DCC: variants seen among roughly 807,000 people sequenced by gnomAD.
The protein encoded by DCC is netrin receptor DCC.
In DCC, 58 loss-of-function variants were observed where a neutral mutation model predicts 172.5. That is an observed-to-expected ratio of 0.34 (90% CI 0.27 to 0.42). The LOEUF is 0.42. Ranked by LOEUF, DCC falls within the 10% of genes least tolerant of loss-of-function variation. The probability of loss-of-function intolerance (pLI) is 1.00; values close to 1 mark genes in which losing one functional copy is unlikely to be tolerated. For missense variants in DCC, 1,740 were observed against 1,791.0 expected, an observed-to-expected ratio of 0.97 and a Z score of 0.51; for synonymous variants, 709 against 644.5, an observed-to-expected ratio of 1.10 and a Z score of -1.52.
chr18:53,098,637 A>G (rs1177646882), intron 7 of DCC, among the ~76,000 whole-genome samples: 2 of 152,170 alleles, frequency 1.3e-5, no homozygotes, highest in East Asian at 3.9e-4. Flanking sequence ...CCCATGATTG[A>G]TGGTGATAAC....
At chr18:52,808,724 G>A (rs1283501185) in intron 2 of DCC, among the ~76,000 whole-genome samples, 1 of 152,112 alleles carries the variant, frequency 6.6e-6, no homozygotes, top group African/African-American at 2.4e-5. Context: ...TCATATTATG[G>A]AAATTCTTAT....
At chr18:52,475,268 A>C (rs921256676) in intron 1 of DCC, among the ~76,000 whole-genome samples, 2 of 152,210 alleles carry the variant, frequency 1.3e-5, no homozygotes, top group African/African-American at 4.8e-5. Flanking sequence ...AAAACACTCA[A>C]ATTCAGTAGG....
At chr18:53,360,488 T>A (rs1011789437) in intron 15 of DCC, among the ~76,000 whole-genome samples, 2 of 152,154 alleles carry the variant, frequency 1.3e-5, no homozygotes, top group African/African-American at 4.8e-5. Context: ...TTTTGTTCAT[T>A]CAATAGGAAT....
chr18:52,671,256 A>G (rs1175588282), intron 1 of DCC, among the ~76,000 whole-genome samples: 1 of 152,174 alleles, frequency 6.6e-6, no homozygotes, highest in Non-Finnish European at 1.5e-5. Flanking sequence ...CAAGGAACTC[A>G]CGGTCACCAA....
chr18:52,590,563 T>C (rs2033777127), intron 1 of DCC, among the ~76,000 whole-genome samples: 2 of 152,224 alleles, frequency 1.3e-5, no homozygotes, highest in Non-Finnish European at 2.9e-5. Flanking sequence ...CTGGTTTGTC[T>C]CTGTACACAG....
At chr18:53,158,013 G>A (rs953758245) in intron 8 of DCC, among the ~76,000 whole-genome samples, 2 of 152,154 alleles carry the variant, frequency 1.3e-5, no homozygotes, top group Non-Finnish European at 2.9e-5. Context: ...AATGCTTGAG[G>A]TGATGGATGC....
At chr18:53,467,116 A>G (rs771777168) in intron 24 of DCC, among the ~76,000 whole-genome samples, 67 of 152,148 alleles carry the variant, frequency 4.4e-4, no homozygotes, top group Non-Finnish European at 1.8e-4. Flanking sequence ...AAAGGAAAAC[A>G]ATGTTAAAAA....
chr18:53,315,780 G>C (rs2057336590), intron 13 of DCC, among the ~76,000 whole-genome samples: 1 of 151,668 alleles, frequency 6.6e-6, no homozygotes, highest in Non-Finnish European at 1.5e-5. Context: ...AGTATTGTCT[G>C]TTCATATCCA....
At chr18:53,222,401 T>G (rs1402819009) in intron 12 of DCC, among the ~76,000 whole-genome samples, 1 of 121,788 alleles carries the variant, frequency 8.2e-6, no homozygotes, top group African/African-American at 2.8e-5. Flanking sequence ...TTTTTTTTTT[T>G]TGAAATGGAG....
At position 52,923,775 on chromosome 18, in the gene DCC, G is replaced by T. The variant is rs759718173; in HGVS notation, c.766G>T (p.Asp256Tyr). ...PSNVVAIEGK[D>Y]AVLECCVSGY... ...CAATGTAGTAGCCATTGAAGGAAAA[G>T]ATGCTGTCCTGGAATGTTGTGTTTC... Residue 256 changes from aspartate (D) to tyrosine (Y), a missense_variant, in exon 4 of 29, where the codon GAT becomes TAT. By Grantham distance (160) the Asp-to-Tyr change is radical. Coordinates refer to ENST00000442544, the MANE Select transcript of DCC (RefSeq NM_005215.4). 1 of 1,612,752 alleles carries T rather than the reference G, an allele frequency of 6.2e-7. No individual in the cohort carries two copies. Among genetic ancestry groups the T allele is most frequent in the East Asian group, 2.2e-5 (1 of 44,842 alleles).
At chr18:52,793,140 T>C (rs149494298) in intron 2 of DCC, among the ~76,000 whole-genome samples, 1 of 152,296 alleles carries the variant, frequency 6.6e-6, no homozygotes, top group East Asian at 1.9e-4. Flanking sequence ...ATTGGTTTGA[T>C]CACATATGAT....
At chr18:52,823,498 G>A (rs76452246) in intron 2 of DCC, among the ~76,000 whole-genome samples, 7,279 of 152,064 alleles carry the variant, frequency 0.048, 274 homozygotes, top group South Asian at 0.17. Flanking sequence ...GTCTTGGCAC[G>A]GTGAAGATTT....
At chr18:53,525,129 C>A (rs996845540) in intron 27 of DCC, among the ~76,000 whole-genome samples, 3 of 152,048 alleles carry the variant, frequency 2.0e-5, no homozygotes, top group African/African-American at 7.2e-5. Flanking sequence ...TAACAAATTA[C>A]TAGTATCATT....
chr18:53,463,756 G>C (rs1289238598), intron 24 of DCC, among the ~76,000 whole-genome samples: 1 of 152,108 alleles, frequency 6.6e-6, no homozygotes, highest in Non-Finnish European at 1.5e-5. Flanking sequence ...ATGTTTTGTT[G>C]ATCCAGTTTC....
At chr18:53,039,486 T>C (rs541359642) in intron 5 of DCC, among the ~76,000 whole-genome samples, 38 of 152,166 alleles carry the variant, frequency 2.5e-4, no homozygotes, top group African/African-American at 3.6e-4. Flanking sequence ...ACTAGAATGT[T>C]AAAAGGATTG....
intron 5 of DCC, among the ~76,000 whole-genome samples, chr18:53,005,443 G>A (rs1186865625): frequency 7.9e-5 from 12 of 152,124 alleles, no homozygotes; most frequent in Admixed American, 7.9e-4. Context: ...TACTTATAAA[G>A]AATCTTGTCG....
At chr18:52,547,133 T>C (rs1340259456) in intron 1 of DCC, among the ~76,000 whole-genome samples, 2 of 152,196 alleles carry the variant, frequency 1.3e-5, no homozygotes, top group African/African-American at 4.8e-5. Flanking sequence ...AAAATGTCAC[T>C]GAATTTATGC....
In DCC at chr18:52,760,344, GAGGTCCCTCCCACA is replaced by G. The variant is rs971160233; in HGVS notation, c.412+7972_412+7985del. Among the ~76,000 whole-genome samples, 18 of 152,236 alleles carry G rather than the reference GAGGTCCCTCCCACA, an allele frequency of 1.2e-4. No individual in the cohort carries two copies. In the East Asian group the frequency reaches 1.7e-3, roughly 15 times the overall value. ...CCCCCATGGCTCAATCACCTCCCAC[GAGGTCCCTCCCACA>G]ACACGTGGGGATTACAATTTGGGTT... On this transcript the variant is annotated intron_variant, in intron 2 of 28. Coordinates refer to ENST00000442544, the MANE Select transcript of DCC (RefSeq NM_005215.4).
At chr18:53,171,019 G>A (rs2055005998) in intron 8 of DCC, among the ~76,000 whole-genome samples, 1 of 152,112 alleles carries the variant, frequency 6.6e-6, no homozygotes, top group Non-Finnish European at 1.5e-5. Flanking sequence ...AGAGTAGCTA[G>A]AATTACAGGC....
Sources: allele counts gnomAD v4.1 joint callset (sites outside exome capture counted in the v4.1 genomes callset), GRCh38; gene constraint gnomAD v4.1.1; transcripts MANE v1.5; gene names NCBI Gene and HGNC (gene_info 2026-07-23, HGNC 2026-07-21).